The following RAP1GAP2 variants were observed in gnomAD, a reference collection of about 807,000 sequenced individuals.
The protein encoded by RAP1GAP2 is rap1 GTPase-activating protein 2.
RAP1GAP2 carries 27 observed loss-of-function variants against 95.0 expected under a neutral mutation model. The ratio of observed to expected loss-of-function variants is 0.28; its 90% CI spans 0.21 to 0.39. The LOEUF (loss-of-function observed/expected upper bound fraction) is 0.39, where lower values mean the gene tolerates loss of function less well. Among genes scored for constraint, RAP1GAP2 ranks in the 10% least tolerant of loss-of-function variants. RAP1GAP2 has a pLI of 1.00. For synonymous variants in RAP1GAP2, 373 were observed against 380.9 expected (o/e 0.98, Z 0.24); for missense variants, 771 against 970.0 (o/e 0.79, Z 2.72).
intron 19 of RAP1GAP2, among the ~76,000 whole-genome samples, chr17:3,022,208 G>T (rs1230258333): frequency 6.6e-6 from 1 of 152,162 alleles, no homozygotes; most frequent in Non-Finnish European, 1.5e-5. Flanking sequence ...ATAGCTTATT[G>T]TGGTTCCCGT....
At chr17:2,943,312 G>A (rs775654472) in intron 3 of RAP1GAP2, among the ~76,000 whole-genome samples, 1 of 152,102 alleles carries the variant, frequency 6.6e-6, no homozygotes, top group Non-Finnish European at 1.5e-5. Flanking sequence ...TCAGATAAGG[G>A]GTCAGTTTTT....
intron 16 of RAP1GAP2, among the ~76,000 whole-genome samples, chr17:3,006,694 A>G (rs1451181285): frequency 6.6e-6 from 1 of 151,720 alleles, no homozygotes; most frequent in Non-Finnish European, 1.5e-5. Flanking sequence ...CGGCCTCCCA[A>G]AATGCTGAGA....
chr17:2,872,900 G>A (rs1368493138), intron 2 of RAP1GAP2, among the ~76,000 whole-genome samples: 3 of 151,850 alleles, frequency 2.0e-5, no homozygotes, highest in Non-Finnish European at 4.4e-5. Context: ...TTGGGCTCAA[G>A]CGATCCTCCA....
chr17:3,026,903 CG>C, intron 21 of RAP1GAP2, 40 bp from the exon 22 acceptor site: 1 of 1,537,102 alleles, frequency 6.5e-7, no homozygotes, highest in Non-Finnish European at 8.8e-7. Flanking sequence ...GCGCAGCTGC[CG>C]AGGGTGGGCT....
intron 1 of RAP1GAP2, among the ~76,000 whole-genome samples, chr17:2,788,089 T>C (rs1312303951): frequency 6.6e-6 from 1 of 152,182 alleles, no homozygotes; most frequent in African/African-American, 2.4e-5. Flanking sequence ...TGGTATGAGT[T>C]AACCTGTGCA....
chr17:2,860,195 A>C (rs1567717265), intron 2 of RAP1GAP2, among the ~76,000 whole-genome samples: 6 of 152,166 alleles, frequency 3.9e-5, no homozygotes, highest in Admixed American at 2.0e-4. Context: ...CCCTGGTCCC[A>C]GAACAGATGG....
intron 1 of RAP1GAP2, among the ~76,000 whole-genome samples, chr17:2,762,635 A>G (rs183032795): frequency 8.6e-5 from 13 of 151,442 alleles, no homozygotes; most frequent in East Asian, 2.0e-4. Context: ...TCCTTACCTC[A>G]GATGATCCAC....
At chr17:2,880,413 G>A (rs2073242783) in intron 2 of RAP1GAP2, among the ~76,000 whole-genome samples, 1 of 151,846 alleles carries the variant, frequency 6.6e-6, no homozygotes, top group Non-Finnish European at 1.5e-5. Context: ...ATGGAAGGAG[G>A]ACAGAATAAT....
At position 2,780,341 on chromosome 17, in the gene RAP1GAP2, G is replaced by A. The variant is rs1466346895; in HGVS notation, c.-14+3063G>A. On this transcript the variant is annotated intron_variant, in intron 1 of 24. Transcript: ENST00000540393. ...GCTGGGGTGACAGGCGGGAGCCGCCGCCTCTGGCAAAAGTCTCTTCATCCT... is the reference window on the plus strand; with the variant it reads ...GCTGGGGTGACAGGCGGGAGCCGCCACCTCTGGCAAAAGTCTCTTCATCCT... Among the ~76,000 whole-genome samples the A allele has an allele frequency of 4.6e-5, 7 of 152,206 alleles. No homozygotes were observed. The South Asian group carries it at 6.2e-4, about 14-fold the overall frequency.
intron 2 of RAP1GAP2, among the ~76,000 whole-genome samples, chr17:2,770,756 A>G (rs2068374644): frequency 6.6e-6 from 1 of 152,110 alleles, no homozygotes; most frequent in Non-Finnish European, 1.5e-5. Flanking sequence ...AAGCCTGGAG[A>G]TTGGTCGGGC....
chr17:3,009,298 A>G (rs150653209), intron 17 of RAP1GAP2, among the ~76,000 whole-genome samples: 90 of 152,362 alleles, frequency 5.9e-4, no homozygotes, highest in African/African-American at 2.1e-3. Context: ...AGTTGTATAA[A>G]GTGAAAGCTT....
At chr17:3,002,124 G>A (rs1054566424) in intron 14 of RAP1GAP2, among the ~76,000 whole-genome samples, 4 of 151,986 alleles carry the variant, frequency 2.6e-5, no homozygotes, top group East Asian at 1.9e-4. Context: ...CACCATGCCC[G>A]GCTAATTTTT....
intron 2 of RAP1GAP2, among the ~76,000 whole-genome samples, chr17:2,875,931 T>C (rs888703455): frequency 2.1e-5 from 3 of 139,556 alleles, no homozygotes; most frequent in African/African-American, 5.1e-5. Flanking sequence ...CATTGTTTTT[T>C]GTTTGTTTGT....
intron 19 of RAP1GAP2, among the ~76,000 whole-genome samples, chr17:3,021,918 G>A (rs970030267): frequency 1.3e-5 from 2 of 152,182 alleles, no homozygotes; most frequent in African/African-American, 4.8e-5. Flanking sequence ...CTGTACCATG[G>A]CTATTGTGAG....
chr17:2,849,493 A>G (rs2151589396), intron 2 of RAP1GAP2, among the ~76,000 whole-genome samples: 1 of 152,320 alleles, frequency 6.6e-6, no homozygotes, highest in South Asian at 2.1e-4. Flanking sequence ...CTTCAGGGCC[A>G]GGCATGCGTG....
In RAP1GAP2 at chr17:2,907,905, C is replaced by G. The variant is rs553769415; in HGVS notation, c.165+2537C>G. ...CACTGCAACCTCCACCTCCTGGGTT[C>G]AAGCGCTTCTCCTACCTGAGCCTCC... On this transcript the variant is annotated intron_variant, in intron 3 of 24. Coordinates refer to ENST00000254695, the MANE Select transcript of RAP1GAP2 (RefSeq NM_015085.5). Among the ~76,000 whole-genome samples, 3 of 152,258 alleles carry G rather than the reference C, an allele frequency of 2.0e-5. No individual in the cohort carries two copies. The East Asian group carries it at 5.8e-4, about 29-fold the overall frequency.
intron 3 of RAP1GAP2, among the ~76,000 whole-genome samples, chr17:2,916,872 C>T (rs1418525103): frequency 6.6e-6 from 1 of 152,138 alleles, no homozygotes; most frequent in African/African-American, 2.4e-5. Flanking sequence ...TCTTATGTAT[C>T]TTCGGGCCCG....
At chr17:2,765,742 CAA>C (rs60006033) in intron 1 of RAP1GAP2, among the ~76,000 whole-genome samples, 2 of 129,878 alleles carry the variant, frequency 1.5e-5, no homozygotes, top group Admixed American at 8.0e-5. Flanking sequence ...GACTCTGTCT[CAA>C]AAAAAAAAAA....
intron 8 of RAP1GAP2, among the ~76,000 whole-genome samples, chr17:2,972,462 G>C (rs1202718285): frequency 6.6e-6 from 1 of 152,074 alleles, no homozygotes. Flanking sequence ...AATGAGCCTG[G>C]CCAACATGGT....
Sources: allele counts gnomAD v4.1 joint callset (sites outside exome capture counted in the v4.1 genomes callset), GRCh38; gene constraint gnomAD v4.1.1; transcripts MANE v1.5; gene names NCBI Gene and HGNC (gene_info 2026-07-23, HGNC 2026-07-21).